ZNF704: variants seen among roughly 807,000 people sequenced by gnomAD.
ZNF704 encodes glucocorticoid induced gene 1.
ZNF704 carries 10 observed loss-of-function variants against 44.7 expected under a neutral mutation model. That is an observed-to-expected ratio of 0.22 (90% CI 0.14 to 0.38). ZNF704 has a LOEUF of 0.38. Ranked by LOEUF, ZNF704 falls within the 10% of genes least tolerant of loss-of-function variation. The pLI, the probability that ZNF704 is intolerant of heterozygous loss-of-function variation, is 1.00. For missense variants in ZNF704, 390 were observed against 545.5 expected, an observed-to-expected ratio of 0.71 and a Z score of 2.84; for synonymous variants, 211 against 207.6, an observed-to-expected ratio of 1.02 and a Z score of -0.14.
At chr8:80,843,340 G>A (rs536367089) in intron 1 of ZNF704, among the ~76,000 whole-genome samples, 1 of 152,306 alleles carries the variant, frequency 6.6e-6, no homozygotes, top group African/African-American at 2.4e-5. Context: ...CAGCCAAACA[G>A]TACTTATCAT....
intron 1 of ZNF704, among the ~76,000 whole-genome samples, chr8:80,852,212 G>A (rs558148641): frequency 1.3e-5 from 2 of 152,276 alleles, no homozygotes; most frequent in Admixed American, 6.5e-5. Flanking sequence ...AGGAAGGGCA[G>A]GAATGCAATA....
intron 1 of ZNF704, among the ~76,000 whole-genome samples, chr8:80,827,134 T>C (rs577900564): frequency 1.6e-4 from 25 of 152,298 alleles, no homozygotes; most frequent in African/African-American, 6.0e-4. Flanking sequence ...GAAGCCAAAT[T>C]GTCCCTGTTT....
chr8:80,679,499 C>T (rs1044319809), intron 4 of ZNF704, among the ~76,000 whole-genome samples: 2 of 152,268 alleles, frequency 1.3e-5, no homozygotes, highest in African/African-American at 4.8e-5. Flanking sequence ...TCTGAATGGT[C>T]CCATCTGTGC....
intron 3 of ZNF704, among the ~76,000 whole-genome samples, chr8:80,688,481 C>A (rs945205684): frequency 2.0e-5 from 3 of 152,090 alleles, no homozygotes; most frequent in African/African-American, 7.2e-5. Flanking sequence ...AGATGAGGAC[C>A]CTGAGGCAGC....
intron 4 of ZNF704, among the ~76,000 whole-genome samples, chr8:80,678,608 T>C (rs1818405867): frequency 6.6e-6 from 1 of 152,168 alleles, no homozygotes; most frequent in South Asian, 2.1e-4. Context: ...ATCACACAGA[T>C]TTTTACACTA....
chr8:80,829,612 A>G (rs1413229667), intron 1 of ZNF704, among the ~76,000 whole-genome samples: 4 of 151,644 alleles, frequency 2.6e-5, no homozygotes, highest in East Asian at 1.9e-4. Flanking sequence ...AAAATTTAGG[A>G]AAAAAAAACC....
intron 1 of ZNF704, among the ~76,000 whole-genome samples, chr8:80,850,298 G>A (rs778209356): frequency 6.6e-6 from 1 of 151,760 alleles, no homozygotes; most frequent in Admixed American, 6.6e-5. Flanking sequence ...AGAATGAATC[G>A]ACTATCATAA....
At chr8:80,802,373 A>T (rs1281642431) in intron 2 of ZNF704, among the ~76,000 whole-genome samples, 1 of 152,146 alleles carries the variant, frequency 6.6e-6, no homozygotes, top group African/African-American at 2.4e-5. Context: ...CCTGGCAGAG[A>T]TACAACAAAA....
chr8:80,757,696 T>C (rs1402320259), intron 2 of ZNF704, among the ~76,000 whole-genome samples: 1 of 152,140 alleles, frequency 6.6e-6, no homozygotes, highest in Non-Finnish European at 1.5e-5. Context: ...CCTACACAGG[T>C]ATACCATTTT....
intron 7 of ZNF704, among the ~76,000 whole-genome samples, chr8:80,656,378 C>G (rs1318840132): frequency 6.6e-6 from 1 of 152,068 alleles, no homozygotes. Flanking sequence ...CAGTCTTGAG[C>G]TGATTAATAA....
intron 7 of ZNF704, among the ~76,000 whole-genome samples, chr8:80,652,848 T>A (rs1009756248): frequency 6.6e-6 from 1 of 152,214 alleles, no homozygotes; most frequent in Non-Finnish European, 1.5e-5. Flanking sequence ...TACCAAAGCC[T>A]GGCAGAGACA....
intron 2 of ZNF704, among the ~76,000 whole-genome samples, chr8:80,765,375 C>T (rs1807211482): frequency 6.6e-6 from 1 of 152,130 alleles, no homozygotes; most frequent in South Asian, 2.1e-4. Context: ...ATACACACCC[C>T]AAATCATGCT....
intron 4 of ZNF704, among the ~76,000 whole-genome samples, chr8:80,682,022 A>G (rs566948585): frequency 6.6e-6 from 1 of 152,200 alleles, no homozygotes; most frequent in African/African-American, 2.4e-5. Flanking sequence ...CAGTTGATCC[A>G]AGCTGCTGTT....
At chr8:80,858,519 G>A (rs1369006352) in intron 1 of ZNF704, among the ~76,000 whole-genome samples, 1 of 151,988 alleles carries the variant, frequency 6.6e-6, no homozygotes. Context: ...ATCACTTGAG[G>A]TCAGGAGTTC....
chr8:80,670,125 T>C (rs997711706), intron 5 of ZNF704, among the ~76,000 whole-genome samples: 9 of 152,200 alleles, frequency 5.9e-5, no homozygotes, highest in Middle Eastern at 3.2e-3. Context: ...TGAAGTCCAA[T>C]CACAGATTCC....
intron 5 of ZNF704, among the ~76,000 whole-genome samples, chr8:80,666,750 G>A (rs1400819494): frequency 1.3e-5 from 2 of 150,614 alleles, no homozygotes; most frequent in African/African-American, 4.9e-5. Context: ...TTTTTTGGCT[G>A]CATAAATGTC....
intron 2 of ZNF704, among the ~76,000 whole-genome samples, chr8:80,709,161 C>T (rs891728127): frequency 5.3e-5 from 8 of 151,970 alleles, no homozygotes; most frequent in Non-Finnish European, 1.2e-4. Context: ...TCTAAAAGTT[C>T]AGGCCAGGTG....
chr8:80,875,735 T>C (rs1809347603), upstream of ZNF704, among the ~76,000 whole-genome samples: 1 of 152,234 alleles, frequency 6.6e-6, no homozygotes, highest in African/African-American at 2.4e-5. Flanking sequence ...GTATTCACCT[T>C]CAGTTAATTA....
intron 1 of ZNF704, among the ~76,000 whole-genome samples, chr8:80,868,966 G>A (rs577731005): frequency 1.3e-5 from 2 of 152,280 alleles, no homozygotes; most frequent in South Asian, 4.1e-4. Flanking sequence ...CTCTACAAGA[G>A]GCAACGTAGT....
Sources: gnomAD v4.1 joint callset for allele counts (sites outside exome capture counted in the v4.1 genomes callset) on GRCh38, gnomAD v4.1.1 for gene constraint, MANE v1.5 for transcripts, NCBI Gene and HGNC (gene_info 2026-07-23, HGNC 2026-07-21) for gene names.